SOD2: variants seen among roughly 807,000 people sequenced by gnomAD.
SOD2 encodes the protein superoxide dismutase [Mn], mitochondrial.
A neutral mutation model predicts 27.0 loss-of-function variants in SOD2; 11 were observed. The observed-to-expected ratio is 0.41, with a 90% CI of 0.26 to 0.67. SOD2 has a LOEUF of 0.67. Among genes scored for constraint, SOD2 ranks in the 30% least tolerant of loss-of-function variants. The pLI, the probability that SOD2 is intolerant of heterozygous loss-of-function variation, is 0.34. For synonymous variants in SOD2, 105 were observed against 103.0 expected (o/e 1.02, Z -0.12); for missense variants, 250 against 274.5 (o/e 0.91, Z 0.63).
chr6:159,692,944 CG>C, intron 1 of SOD2, 81 bp from the exon 2 acceptor site: 1 of 1,385,384 alleles, frequency 7.2e-7, no homozygotes, highest in East Asian at 2.7e-5. Flanking sequence ...AACGGCAGCG[CG>C]CGGCGTCCCC....
At chr6:159,716,926 G>A (rs1777931100) in intron 1 of SOD2, among the ~76,000 whole-genome samples, 1 of 152,154 alleles carries the variant, frequency 6.6e-6, no homozygotes, top group Non-Finnish European at 1.5e-5. Context: ...TGCAAGAGGA[G>A]GAACATGGCT....
chr6:159,705,237 G>A (rs1777600485), intron 1 of SOD2, among the ~76,000 whole-genome samples: 1 of 152,244 alleles, frequency 6.6e-6, no homozygotes, highest in African/African-American at 2.4e-5. Context: ...AAGGAACACA[G>A]CTCCTCACCA....
chr6:159,727,624 G>A, upstream of SOD2: 1 of 986,034 alleles, frequency 1.0e-6, no homozygotes, highest in Non-Finnish European at 1.2e-6. Context: ...GCGGTGGCCC[G>A]GGGGGCCCGG....
In SOD2 at chr6:159,682,539, A is replaced by C. The variant is rs1331268278; in HGVS notation, c.623T>G (p.Ile208Ser). 6.2e-7 allele frequency: 1 copy of C among 1,613,934 alleles called. No individual in the cohort carries two copies. Among genetic ancestry groups the C allele is most frequent in the African/African-American group, 1.3e-5 (1 of 74,922 alleles). The change falls in exon 5 of 5, where the codon ATC becomes AGC. Residue 208 changes from isoleucine (I) to serine (S), a missense_variant. Coordinates refer to ENST00000538183, the MANE Select transcript of SOD2 (RefSeq NM_000636.4). ...PDYLKAIWNV[I>S]NWENVTERYM... ...TCTTTCAGTTACATTCTCCCAGTTG[A>C]TTACATTCCAAATAGCTTTTAGATA...
rs556982680 is a variant in SOD2 at position 159,759,858 on chromosome 6, C to G, written c.-336+1179G>C. ...GCTCCTAAACTTACTCTAGATAGAG[C>G]CTTCAGGCAGGAAACTCTATATCCC... On this transcript the variant is annotated intron_variant, in intron 1 of 7. Coordinates refer to the SOD2 transcript ENST00000546087. Among the ~76,000 whole-genome samples, 166 of 152,286 alleles carry G rather than the reference C, an allele frequency of 1.1e-3. 1 individual carries two copies. Among genetic ancestry groups the G allele is most frequent in the Non-Finnish European group, 2.0e-3 (133 of 68,030 alleles).
chr6:159,704,644 G>A (rs948216353), intron 1 of SOD2, among the ~76,000 whole-genome samples: 1 of 152,228 alleles, frequency 6.6e-6, no homozygotes, highest in Non-Finnish European at 1.5e-5. Context: ...GGACTGGATG[G>A]AGCCCACTGC....
intron 1 of SOD2, among the ~76,000 whole-genome samples, chr6:159,709,455 C>T (rs946392381): frequency 6.6e-5 from 10 of 151,994 alleles, no homozygotes; most frequent in Admixed American, 2.0e-4. Flanking sequence ...AAGTGGGCAA[C>T]GGATATGAAC....
At chr6:159,761,433 G>A (rs1314250642) in exon 1 of SOD2, 1 of 439,670 alleles carries the variant, frequency 2.3e-6, no homozygotes, top group Non-Finnish European at 4.5e-6. Context: ...CCCGTTCACA[G>A]CCAGAGTTGA....
chr6:159,745,096 A>G (rs1779495825), intron 1 of SOD2: 1 of 152,246 alleles, frequency 6.6e-6, no homozygotes, highest in African/African-American at 2.4e-5. Flanking sequence ...GAATGTTTTA[A>G]CAAATTTCCC....
At position 159,670,943 on chromosome 6, in the gene SOD2, T is replaced by C. The variant is rs1307566404; in HGVS notation, c.*11550A>G. 1 of 152,320 alleles carries C rather than the reference T, an allele frequency of 6.6e-6. No individual in the cohort carries two copies. Among genetic ancestry groups the C allele is most frequent in the African/African-American group, 2.4e-5 (1 of 41,448 alleles). 9.4% of individuals were successfully genotyped at this position (152,320 alleles called of 1,614,324 possible). A position where few individuals can be genotyped will look rare whatever the true frequency, so the allele number is the denominator to read the frequency against. ...GCAAACGGCACACCAGGAGATTATA[T>C]CCTGTGCCTAGCTCGGAGGGTCCCA... is the stretch of plus-strand genomic sequence containing the variant. On this transcript the variant is annotated 3_prime_UTR_variant, in exon 5 of 5. Transcript: ENST00000538183.
intron 1 of SOD2, among the ~76,000 whole-genome samples, chr6:159,708,608 C>T (rs554196916): frequency 3.9e-5 from 6 of 151,930 alleles, no homozygotes; most frequent in East Asian, 1.9e-4. Flanking sequence ...CACTGCTCAA[C>T]GAAATAAAAG....
chr6:159,704,028 G>A (rs1371452414), intron 1 of SOD2, among the ~76,000 whole-genome samples: 1 of 152,218 alleles, frequency 6.6e-6, no homozygotes, highest in African/African-American at 2.4e-5. Context: ...GCTCACGCCT[G>A]TAATCCCAGC....
At chr6:159,743,247 G>T (rs560886638) in intron 1 of SOD2, among the ~76,000 whole-genome samples, 8 of 152,188 alleles carry the variant, frequency 5.3e-5, no homozygotes, top group African/African-American at 1.7e-4. Context: ...GTGTTTCACC[G>T]TGTTGGTTAG....
chr6:159,732,917 G>GTGTGTGTGTT (rs1387845552), intron 1 of SOD2, among the ~76,000 whole-genome samples: 2 of 139,064 alleles, frequency 1.4e-5, no homozygotes, highest in Admixed American at 7.5e-5. Context: ...GTGTGTGTGT[G>GTGTGTGTGTT]TAAAATTGAT....
chr6:159,718,257 T>A (rs927641882), intron 1 of SOD2, among the ~76,000 whole-genome samples: 4 of 152,060 alleles, frequency 2.6e-5, no homozygotes, highest in Admixed American at 2.6e-4. Flanking sequence ...CCCAGCCTCC[T>A]AAAGTGCTGG....
Position 159,679,222 on chromosome 6 carries a change from G to A in SOD2, c.*3271C>T, listed in dbSNP as rs1400278533. The A allele has an allele frequency of 6.6e-6, 1 of 152,194 alleles. No individual in the cohort carries two copies. The highest frequency in any genetic ancestry group is 1.5e-5 in the Non-Finnish European group (1 of 68,036). The allele number at this position is 152,194 out of a possible 1,614,324, so 9.4% of individuals were successfully genotyped here. A position where few individuals can be genotyped will look rare whatever the true frequency, so the allele number is the denominator to read the frequency against. Reference sequence around the variant, plus strand: ...AACAAAAATTATCCAGGACCTTATAGGGTTTTCAGTATGTACCAGGCTTGA... The same window carrying A: ...AACAAAAATTATCCAGGACCTTATAAGGTTTTCAGTATGTACCAGGCTTGA... On this transcript the variant is annotated 3_prime_UTR_variant, in exon 5 of 5. Transcript: ENST00000538183.
chr6:159,736,328 G>GT lies in SOD2; in HGVS notation c.-116+8801dup, dbSNP rs915905760. On this transcript the variant is annotated intron_variant, in intron 1 of 3. Transcript: ENST00000537657. ...TTTTGGTTTTGGGTTTTTTTGTTTT[G>GT]TTTTGGGTTTTTTGGGGGCTTTTTT... The GT allele has an allele frequency of 5.7e-6, 9 of 1,567,578 alleles. No individual in the cohort carries two copies. The African/African-American group carries it at 1.2e-4, about 22-fold the overall frequency.
chr6:159,712,033 TCAGAC>T (rs1562438022), intron 1 of SOD2, among the ~76,000 whole-genome samples: 682 of 37,558 alleles, frequency 0.018, 221 homozygotes, highest in Admixed American at 0.043. Flanking sequence ...CTCACACTGC[TCAGAC>T]CTCCATAACC....
chr6:159,729,652 G>A (rs1053918027), upstream of SOD2, among the ~76,000 whole-genome samples: 2 of 152,156 alleles, frequency 1.3e-5, no homozygotes, highest in African/African-American at 4.8e-5. Context: ...TTATCTTTTT[G>A]CTGACTTGGA....
Sources: allele counts gnomAD v4.1 joint callset (sites outside exome capture counted in the v4.1 genomes callset), GRCh38; gene constraint gnomAD v4.1.1; transcripts MANE v1.5; gene names NCBI Gene and HGNC (gene_info 2026-07-23, HGNC 2026-07-21).